The following SAXO1 variants were observed in gnomAD, a reference collection of about 807,000 sequenced individuals.
The protein encoded by SAXO1 is stabilizer of axonemal microtubules 1, also known as 4930500O09Rik.
Under a neutral mutation model 17.5 loss-of-function variants are expected in SAXO1, and 21 were observed. That is an observed-to-expected ratio of 1.20 (90% CI 0.85 to 1.72). SAXO1 has a LOEUF of 1.72. Ranked by LOEUF, SAXO1 falls within the 40% of genes most tolerant of loss-of-function variation. SAXO1 has a pLI of 0.00. For synonymous variants in SAXO1, 274 were observed against 216.5 expected, an observed-to-expected ratio of 1.27 and a Z score of -2.33; for missense variants, 843 against 596.0, an observed-to-expected ratio of 1.41 and a Z score of -4.32.
chr9:19,034,895 T>C (rs1019597464), upstream of SAXO1, among the ~76,000 whole-genome samples: 4 of 152,232 alleles, frequency 2.6e-5, no homozygotes, highest in African/African-American at 4.8e-5. Flanking sequence ...AGCAGAAGAA[T>C]GCCTGTTCAT....
At chr9:18,938,821 C>CGTGCGTGTGTGT (rs759584592) in intron 3 of SAXO1, among the ~76,000 whole-genome samples, 1 of 78,510 alleles carries the variant, frequency 1.3e-5, no homozygotes, top group African/African-American at 4.7e-5. Context: ...TGCGTGCGTG[C>CGTGCGTGTGTGT]GTGTGTGTGT....
intron 1 of SAXO1, among the ~76,000 whole-genome samples, chr9:18,989,452 T>A (rs532401307): frequency 3.3e-5 from 5 of 152,204 alleles, no homozygotes; most frequent in Non-Finnish European, 7.3e-5. Flanking sequence ...TAGTTACTAA[T>A]GCAGATTTAT....
At chr9:18,941,292 C>A (rs1008633742) in intron 3 of SAXO1, among the ~76,000 whole-genome samples, 3 of 122,826 alleles carry the variant, frequency 2.4e-5, no homozygotes, top group Non-Finnish European at 5.1e-5. Flanking sequence ...TCAACAACTA[C>A]TCAACTTTGC....
At chr9:18,972,106 G>C (rs1189693230) in intron 1 of SAXO1, among the ~76,000 whole-genome samples, 1 of 152,200 alleles carries the variant, frequency 6.6e-6, no homozygotes, top group Non-Finnish European at 1.5e-5. Context: ...GATTTAAAGA[G>C]CATTTCTTAC....
At position 19,033,007 on chromosome 9, in the gene SAXO1, G is replaced by C; in HGVS notation, c.-99C>G. ...TGTCTTGGGGCACGCCCAGGCTCGA[G>C]GGTCTTGGCAGGTGTTCTGTTTACT... is the stretch of plus-strand genomic sequence containing the variant. On this transcript the variant is annotated 5_prime_UTR_variant, in exon 1 of 4. Transcript: ENST00000380534. 1.5e-6 allele frequency: 2 copies of C among 1,307,986 alleles called. No homozygotes were observed. The highest frequency in any genetic ancestry group is 2.1e-6 in the Non-Finnish European group (2 of 971,552). The allele number at this position is 1,307,986 out of a possible 1,614,324, so 81.0% of individuals were successfully genotyped here.
chr9:18,928,821 C>A lies in SAXO1; in HGVS notation c.656G>T (p.Arg219Leu). ...GAACTTCTCTGCTTCATGCACAAAG[C>A]GCTTCTCCACGGGGTGGGCCACATA... ...MSYVAHPVEK[R>L]FVHEAEKFRP... The change falls in exon 4 of 4, where the codon CGC (arginine) becomes CTC (leucine). Residue 219 changes from arginine to leucine, a missense_variant. Transcript: ENST00000380534. The A allele has an allele frequency of 6.2e-7, 1 of 1,614,114 alleles. No individual in the cohort carries two copies.
At chr9:18,991,203 A>C (rs1833796695) in intron 1 of SAXO1, among the ~76,000 whole-genome samples, 2 of 152,160 alleles carry the variant, frequency 1.3e-5, no homozygotes, top group Admixed American at 6.5e-5. Flanking sequence ...GGTCATAGTG[A>C]GCCAAGATTG....
chr9:18,967,624 T>G lies in SAXO1; in HGVS notation c.39-16687A>C, dbSNP rs142004431. ...CAAGCTCGAGTGTCCCAGGTCAACT[T>G]CAGACTGCTGTGCTGGCAGCAAGAA... On this transcript the variant is annotated intron_variant, in intron 1 of 3. Transcript: ENST00000380534. Among the ~76,000 whole-genome samples the G allele has an allele frequency of 2.6e-4, 40 of 152,280 alleles. No individual in the cohort carries two copies. The East Asian group carries it at 7.7e-3, about 29-fold the overall frequency.
intron 1 of SAXO1, chr9:19,027,529 G>C (rs369368777): frequency 9.9e-7 from 1 of 1,006,200 alleles, no homozygotes; most frequent in Admixed American, 1.7e-5. Flanking sequence ...CAGGGACGGA[G>C]AAGACCCTCC....
In SAXO1 at chr9:19,032,897, C is replaced by A. The variant is rs373442509; in HGVS notation, c.12G>T (p.Lys4Asn). MKT[K>N]CICELCSCGR... ...CGCAGGAGCACAGTTCACAGATGCA[C>A]TTCGTCTTCATAGGGGCGATCCTGA... Residue 4 changes from lysine (K) to asparagine (N), a missense_variant, in exon 1 of 4, where the codon AAG becomes AAT. Transcript: ENST00000380534. 1 of 1,610,620 alleles carries A rather than the reference C, an allele frequency of 6.2e-7. No individual in the cohort carries two copies. The highest frequency in any genetic ancestry group is 1.7e-5 in the Admixed American group (1 of 59,946).
chr9:18,960,083 T>C (rs1453039191), intron 1 of SAXO1, among the ~76,000 whole-genome samples: 5 of 152,224 alleles, frequency 3.3e-5, no homozygotes, highest in Non-Finnish European at 5.9e-5. Context: ...GTTCAGCGGC[T>C]ACTGGAGAGC....
At chr9:18,944,391 G>A (rs7032675) in intron 2 of SAXO1, among the ~76,000 whole-genome samples, 17,734 of 152,116 alleles carry the variant, frequency 0.12, 1,229 homozygotes, top group African/African-American at 0.2. Context: ...ATAACTGCAT[G>A]TCCCCAATCA....
chr9:18,972,835 C>G (rs991752346), intron 1 of SAXO1, among the ~76,000 whole-genome samples: 2 of 152,210 alleles, frequency 1.3e-5, no homozygotes, highest in Admixed American at 6.5e-5. Flanking sequence ...TGCACTAAGC[C>G]TCGAGTCCTT....
intron 1 of SAXO1, among the ~76,000 whole-genome samples, chr9:19,038,603 GT>G (rs1199188363): frequency 9.0e-6 from 1 of 111,566 alleles, no homozygotes; most frequent in East Asian, 3.1e-4. Flanking sequence ...TCTGGGGACT[GT>G]TGTGGGGTGG....
In SAXO1 at chr9:18,951,064, T is replaced by A. The variant is rs1044967250; in HGVS notation, c.39-127A>T. ...TGACTGCCAACATTGAAAACCAGAA[T>A]TCAACGGTTACTTTTTTCCACTAAA... On this transcript the variant is annotated intron_variant, in intron 1 of 3. Coordinates refer to ENST00000380534, the MANE Select transcript of SAXO1 (RefSeq NM_153707.4). 1.5e-5 allele frequency: 14 copies of A among 965,306 alleles called. No homozygotes were observed. The African/African-American group carries it at 1.8e-4, about 12-fold the overall frequency. The allele number at this position is 965,306 out of a possible 1,614,324, so 59.8% of individuals were successfully genotyped here. A position where few individuals can be genotyped will look rare whatever the true frequency, so the allele number is the denominator to read the frequency against.
intron 1 of SAXO1, among the ~76,000 whole-genome samples, chr9:18,961,989 T>C (rs1301229447): frequency 2.0e-5 from 3 of 152,186 alleles, no homozygotes; most frequent in Non-Finnish European, 4.4e-5. Context: ...TCTGCATCTG[T>C]TGTTTCCTGA....
chr9:19,038,662 C>T (rs564114133), intron 1 of SAXO1, among the ~76,000 whole-genome samples: 5 of 150,332 alleles, frequency 3.3e-5, no homozygotes, highest in East Asian at 2.0e-4. Flanking sequence ...TGCTAAATGA[C>T]GAGTTAATGG....
In SAXO1 at chr9:18,927,955, T is replaced by C; in HGVS notation, c.*97A>G. 1 of 1,399,450 alleles carries C rather than the reference T, an allele frequency of 7.1e-7. No individual in the cohort carries two copies. Among genetic ancestry groups the C allele is most frequent in the Non-Finnish European group, 9.6e-7 (1 of 1,046,258 alleles). 86.7% of individuals were successfully genotyped at this position (1,399,450 alleles called of 1,614,324 possible). On this transcript the variant is annotated 3_prime_UTR_variant, in exon 4 of 4. Transcript: ENST00000380534. ...GGTGAAGGTTTTTTGTTTTTTGTTT[T>C]TTGTCATTTTAGGGAATTCTTTTTT...
At chr9:19,012,492 TA>T (rs1452981214) in intron 1 of SAXO1, among the ~76,000 whole-genome samples, 16 of 152,330 alleles carry the variant, frequency 1.1e-4, no homozygotes, top group African/African-American at 3.4e-4. Flanking sequence ...TTGGTATATC[TA>T]AAGATATGTC....
Sources: allele counts gnomAD v4.1 joint callset (sites outside exome capture counted in the v4.1 genomes callset), GRCh38; gene constraint gnomAD v4.1.1; transcripts MANE v1.5; gene names NCBI Gene and HGNC (gene_info 2026-07-23, HGNC 2026-07-21).